MB21D2: variants seen among roughly 807,000 people sequenced by gnomAD.
MB21D2 encodes nucleotidyltransferase MB21D2.
In MB21D2, 9 loss-of-function variants were observed where a neutral mutation model predicts 33.3. That is an observed-to-expected ratio of 0.27 (90% CI 0.16 to 0.47). The LOEUF (loss-of-function observed/expected upper bound fraction) is 0.47. Among genes scored for constraint, MB21D2 ranks in the 20% least tolerant of loss-of-function variants. MB21D2 has a pLI of 0.99. For missense variants in MB21D2, 540 were observed against 624.6 expected, an observed-to-expected ratio of 0.86 and a Z score of 1.44; for synonymous variants, 241 against 236.3, an observed-to-expected ratio of 1.02 and a Z score of -0.18.
At chr3:192,883,991 A>G (rs1713665735) in intron 1 of MB21D2, among the ~76,000 whole-genome samples, 1 of 152,122 alleles carries the variant, frequency 6.6e-6, no homozygotes, top group Non-Finnish European at 1.5e-5. Context: ...ATCTGTTTCT[A>G]TGGTTGACTC....
At chr3:192,819,400 C>T (rs1042635101) in intron 1 of MB21D2, among the ~76,000 whole-genome samples, 13 of 152,150 alleles carry the variant, frequency 8.5e-5, no homozygotes, top group African/African-American at 2.9e-4. Context: ...AGGGCTGGGC[C>T]TCCGGAGAAG....
intron 1 of MB21D2, among the ~76,000 whole-genome samples, chr3:192,908,775 G>A (rs977949813): frequency 1.3e-5 from 2 of 151,896 alleles, no homozygotes; most frequent in African/African-American, 4.8e-5. Context: ...TGGCATTTGA[G>A]CTGGGAGAAA....
At chr3:192,903,155 CCT>C (rs779219799) in intron 1 of MB21D2, among the ~76,000 whole-genome samples, 4 of 152,318 alleles carry the variant, frequency 2.6e-5, no homozygotes, top group Non-Finnish European at 4.4e-5. Flanking sequence ...AGTGACTTCC[CCT>C]GTCTTCAAAG....
chr3:192,877,001 C>T (rs9844309), intron 1 of MB21D2, among the ~76,000 whole-genome samples: 90,519 of 151,828 alleles, frequency 0.6, 28,314 homozygotes, highest in African/African-American at 0.78. Context: ...TAGAACAGCG[C>T]CTGAGTCCAC....
At chr3:192,863,233 A>G (rs1030454268) in intron 1 of MB21D2, among the ~76,000 whole-genome samples, 2 of 152,222 alleles carry the variant, frequency 1.3e-5, no homozygotes, top group Admixed American at 6.5e-5. Context: ...TAAAGCCTTC[A>G]GAGGGAGCAC....
chr3:192,829,596 C>CTGTTTA (rs546197161), intron 1 of MB21D2, among the ~76,000 whole-genome samples: 1 of 152,172 alleles, frequency 6.6e-6, no homozygotes, highest in African/African-American at 2.4e-5. Flanking sequence ...GAGCATTCTT[C>CTGTTTA]TGTTTATGTT....
At chr3:192,893,258 G>A (rs1161971327) in intron 1 of MB21D2, among the ~76,000 whole-genome samples, 4 of 152,146 alleles carry the variant, frequency 2.6e-5, no homozygotes, top group East Asian at 1.9e-4. Flanking sequence ...TTACTTCTTC[G>A]AATGAGAACC....
chr3:192,902,195 G>A (rs1475674605), intron 1 of MB21D2, among the ~76,000 whole-genome samples: 1 of 152,158 alleles, frequency 6.6e-6, no homozygotes, highest in African/African-American at 2.4e-5. Context: ...CCGGCTTTCA[G>A]GAGATCAAAA....
intron 1 of MB21D2, among the ~76,000 whole-genome samples, chr3:192,879,757 G>A (rs1713519487): frequency 2.6e-5 from 4 of 152,320 alleles, no homozygotes; most frequent in Admixed American, 2.6e-4. Context: ...ATTGATTAAT[G>A]TCATAAACAA....
rs147837314 is a variant in MB21D2 at position 192,863,022 on chromosome 3, C to A, written c.211+54608G>T. On this transcript the variant is annotated intron_variant, in intron 1 of 1. Transcript: ENST00000392452. ...GGGCAGAGACCTCATGACCTAATCA[C>A]CTGCTGAAGGTTCCATCTCTTAATA... Among the ~76,000 whole-genome samples the A allele has an allele frequency of 7.2e-5, 11 of 152,258 alleles. No homozygotes were observed. The East Asian group carries it at 2.1e-3, about 29-fold the overall frequency.
Position 192,798,940 on chromosome 3 carries a change from G to T in MB21D2, c.922C>A (p.Gln308Lys). ...LKKCISSSLM[Q>K]AYQACKAIII... ...ATGGCTTTGCAGGCCTGATAGGCCT[G>T]CATGAGGCTGCTGGAGATGCACTTC... is the stretch of plus-strand genomic sequence containing the variant. Residue 308 changes from glutamine to lysine, a missense_variant, in exon 2 of 2, where the codon CAG (glutamine) becomes AAG (lysine). Transcript: ENST00000392452. This position sits in a 1 kb window ranked among gnomAD's most constrained non-coding sequence, Gnocchi z 4.8. The T allele has an allele frequency of 6.2e-7, 1 of 1,613,962 alleles. No homozygotes were observed. Among genetic ancestry groups the T allele is most frequent in the Non-Finnish European group, 8.5e-7 (1 of 1,179,954 alleles).
At chr3:192,846,050 C>A (rs1479876179) in intron 1 of MB21D2, among the ~76,000 whole-genome samples, 1 of 152,144 alleles carries the variant, frequency 6.6e-6, no homozygotes, top group Non-Finnish European at 1.5e-5. Context: ...TGCCACTGTA[C>A]TCCAGCCTGA....
Position 192,902,277 on chromosome 3 carries a change from C to T in MB21D2, c.211+15353G>A, listed in dbSNP as rs375156504. ...TTGCTCAGTGTGTGGCACCACCCCA[C>T]GTTTGTATACCAGCAACCACATAGA... On this transcript the variant is annotated intron_variant, in intron 1 of 1. Coordinates refer to ENST00000392452, the MANE Select transcript of MB21D2 (RefSeq NM_178496.4). 3.9e-5 allele frequency among the ~76,000 whole-genome samples: 6 copies of T among 152,292 alleles called. No homozygotes were observed. In the East Asian group the frequency reaches 5.8e-4, roughly 15 times the overall value.
At position 192,805,826 on chromosome 3, in the gene MB21D2, C is replaced by T. The variant is rs143382979; in HGVS notation, c.212-6176G>A. On this transcript the variant is annotated intron_variant, in intron 1 of 1. Coordinates refer to ENST00000392452, the MANE Select transcript of MB21D2 (RefSeq NM_178496.4). ...GTCTAAGCGCATCGTAGATATTTAGCTCATGTTCCCCATATGTTCTTCCCT... is the reference window on the plus strand; with the variant it reads ...GTCTAAGCGCATCGTAGATATTTAGTTCATGTTCCCCATATGTTCTTCCCT... Among the ~76,000 whole-genome samples, 252 of 152,336 alleles carry T rather than the reference C, an allele frequency of 1.7e-3. 2 individuals carry two copies. The highest frequency in any genetic ancestry group is 5.7e-3 in the African/African-American group (236 of 41,574).
chr3:192,853,844 T>G (rs1178199794), intron 1 of MB21D2, among the ~76,000 whole-genome samples: 5 of 152,230 alleles, frequency 3.3e-5, no homozygotes, highest in African/African-American at 4.8e-5. Flanking sequence ...GGTAATTCTC[T>G]TAATCTTTCA....
intron 1 of MB21D2, among the ~76,000 whole-genome samples, chr3:192,802,461 C>T (rs1711581271): frequency 6.6e-6 from 1 of 152,166 alleles, no homozygotes; most frequent in Non-Finnish European, 1.5e-5. Context: ...ACTACCCAAA[C>T]AAAAACCGTC....
chr3:192,901,074 T>TTCACC (rs1412829638), intron 1 of MB21D2, among the ~76,000 whole-genome samples: 1 of 151,892 alleles, frequency 6.6e-6, no homozygotes, highest in Non-Finnish European at 1.5e-5. Context: ...GCAGAGATAA[T>TTCACC]ACCCAGGTGA....
intron 1 of MB21D2, among the ~76,000 whole-genome samples, chr3:192,830,264 GTGT>G (rs1712286221): frequency 6.8e-6 from 1 of 146,108 alleles, no homozygotes; most frequent in Non-Finnish European, 1.5e-5. Flanking sequence ...GTGTGTGTGT[GTGT>G]GTGGGTGTCA....
At chr3:192,908,978 G>C (rs936212907) in intron 1 of MB21D2, among the ~76,000 whole-genome samples, 1 of 151,784 alleles carries the variant, frequency 6.6e-6, no homozygotes, top group African/African-American at 2.4e-5. Flanking sequence ...AAATGCGGCC[G>C]GGCACGGTGG....
Sources: allele counts gnomAD v4.1 joint callset (sites outside exome capture counted in the v4.1 genomes callset), GRCh38; gene constraint gnomAD v4.1.1; non-coding constraint Gnocchi (gnomAD v3.1); transcripts MANE v1.5; gene names NCBI Gene and HGNC (gene_info 2026-07-23, HGNC 2026-07-21).